The following TTC38 variants were observed in gnomAD, a reference collection of about 807,000 sequenced individuals.
TTC38 encodes tetratricopeptide repeat protein 38.
Under a neutral mutation model 64.2 loss-of-function variants are expected in TTC38, and 64 were observed. The observed-to-expected ratio is 1.00, with a 90% confidence interval of 0.81 to 1.23. TTC38 has a LOEUF of 1.23. TTC38 is among the 50% of genes most tolerant of loss of function. The probability of loss-of-function intolerance (pLI) is 0.00; values close to 1 mark genes in which losing one functional copy is unlikely to be tolerated. For synonymous variants in TTC38, 254 were observed against 249.3 expected, an observed-to-expected ratio of 1.02 and a Z score of -0.18; for missense variants, 573 against 615.5, an observed-to-expected ratio of 0.93 and a Z score of 0.73.
Position 46,283,953 on chromosome 22 carries a change from C to CTTTT in TTC38, c.736-10_736-7dup. On this transcript the variant is annotated intron_variant, in intron 7 of 13. Transcript: ENST00000381031. ...GGCCTTCAGACTTTTCATAAATTCT[C>CTTTT]TTTTTTTTTTTTTCTCCAGGACTCT... The CTTTT allele has an allele frequency of 7.6e-6, 10 of 1,313,168 alleles. No individual in the cohort carries two copies. Among genetic ancestry groups the CTTTT allele is most frequent in the South Asian group, 6.6e-5 (5 of 76,032 alleles). The allele number at this position is 1,313,168 out of a possible 1,614,324, so 81.3% of individuals were successfully genotyped here.
At chr22:46,268,888 C>T (rs972466361) in intron 2 of TTC38, 2 of 358,380 alleles carry the variant, frequency 5.6e-6, no homozygotes, top group Non-Finnish European at 1.1e-5. Context: ...GGGGTTTCAC[C>T]GTGTTAGCCA....
At chr22:46,277,056 C>T (rs1201059113) in intron 5 of TTC38, among the ~76,000 whole-genome samples, 1 of 147,738 alleles carries the variant, frequency 6.8e-6, no homozygotes, top group African/African-American at 2.6e-5. Flanking sequence ...TACACACACA[C>T]ACACACACAC....
Position 46,273,654 on chromosome 22 carries a change from G to A in TTC38, c.194-244G>A, listed in dbSNP as rs1936943595. 6.6e-6 allele frequency among the ~76,000 whole-genome samples: 1 copy of A among 152,228 alleles called. No individual in the cohort carries two copies. Among genetic ancestry groups the A allele is most frequent in the Admixed American group, 6.5e-5 (1 of 15,290 alleles). ...AAGGGGGAAGGTGCTTTAGACACTG[G>A]CACTCAGCAGAATGCCCTCACTAGA... is the stretch of plus-strand genomic sequence containing the variant. On this transcript the variant is annotated intron_variant, in intron 3 of 13. Transcript: ENST00000381031. The surrounding 1 kb of genome is among the most constrained non-coding windows in gnomAD (Gnocchi z 5.1).
rs995574451 is a variant in TTC38 at position 46,268,546 on chromosome 22, C to T, written c.66C>T (p.Thr22=). Residue 22 remains threonine (T), a synonymous_variant, in exon 2 of 14, where the codon ACC becomes ACT. Transcript: ENST00000381031. The part of the protein sequence containing the change: ...AWKDARLPLS[T]TSNEACKLFD... Reference sequence around the variant, plus strand: ...AGGATGCGAGGCTCCCGCTCTCCACCACAAGCAACGAAGCCTGCAAGCTGT... The same window carrying T: ...AGGATGCGAGGCTCCCGCTCTCCACTACAAGCAACGAAGCCTGCAAGCTGT... 4 of 1,614,124 alleles carry T rather than the reference C, an allele frequency of 2.5e-6. No homozygotes were observed. Among genetic ancestry groups the T allele is most frequent in the Non-Finnish European group, 3.4e-6 (4 of 1,180,032 alleles).
intron 10 of TTC38, among the ~76,000 whole-genome samples, chr22:46,287,562 C>G (rs181187918): frequency 1.3e-5 from 2 of 152,240 alleles, no homozygotes; most frequent in African/African-American, 4.8e-5. Flanking sequence ...AGACAGGTTT[C>G]TCAACCTTGT....
chr22:46,278,568 C>CT lies in TTC38; in HGVS notation c.540-11dup, dbSNP rs1473974915. ...CATCCATCATTTTGTATTCTGAGAT[C>CT]TTTTTTTCTGTTTTTAGCTATGTGA... On this transcript the variant is annotated splice_polypyrimidine_tract_variant and intron_variant, in intron 5 of 13. Transcript: ENST00000381031. 48 of 1,607,996 alleles carry CT rather than the reference C, an allele frequency of 3.0e-5. No homozygotes were observed. The highest frequency in any genetic ancestry group is 4.1e-5 in the Non-Finnish European group (48 of 1,174,672).
At position 46,293,046 on chromosome 22, in the gene TTC38, T is replaced by G. The variant is rs141739653; in HGVS notation, c.*162T>G. On this transcript the variant is annotated 3_prime_UTR_variant, in exon 14 of 14. Transcript: ENST00000381031. This position sits in a 1 kb window ranked among gnomAD's most constrained non-coding sequence, Gnocchi z 6.6. Reference sequence around the variant, plus strand: ...CAGGAAGTGGGTCACGGGTTAATTTTAAATGTGATTCCGAATCTCCTTTCA... The same window carrying G: ...CAGGAAGTGGGTCACGGGTTAATTTGAAATGTGATTCCGAATCTCCTTTCA... 8.5e-6 allele frequency: 5 copies of G among 587,148 alleles called. No homozygotes were observed. The East Asian group carries it at 1.4e-4, about 16-fold the overall frequency. The allele number at this position is 587,148 out of a possible 1,614,324, so 36.4% of individuals were successfully genotyped here.
At chr22:46,289,977 C>G in intron 13 of TTC38, 78 bp downstream of exon 13, 1 of 1,326,304 alleles carries the variant, frequency 7.5e-7, no homozygotes, top group Non-Finnish European at 1.1e-6. Context: ...CTGGAAGCCC[C>G]ACCACCCTTG....
chr22:46,270,421 T>G lies in TTC38; in HGVS notation c.111+1830T>G, dbSNP rs1008673568. 1.3e-5 allele frequency among the ~76,000 whole-genome samples: 2 copies of G among 152,136 alleles called. No individual in the cohort carries two copies. The highest frequency in any genetic ancestry group is 2.9e-5 in the Non-Finnish European group (2 of 68,014). On this transcript the variant is annotated intron_variant, in intron 2 of 13. Transcript: ENST00000381031. The surrounding 1 kb of genome is among the most constrained non-coding windows in gnomAD (Gnocchi z 4.7). ...AATACACGTACTAATTCTGTGTAGA[T>G]GTAGGTTAGACAGCTGAAAGGGCAT...
Position 46,292,664 on chromosome 22 carries a change from T to TGCTGTTCCCTC in TTC38, c.1317-126_1317-125insCTGTTCCCTCG, listed in dbSNP as rs2077624497. ...GGCCAGGCCTCCTGCCCCTGGGCCT[T>TGCTGTTCCCTC]GGCCCTTGCTGTTCCCTCAGTGCCG... On this transcript the variant is annotated intron_variant, in intron 13 of 13. Transcript: ENST00000381031. The surrounding 1 kb of genome is among the most constrained non-coding windows in gnomAD (Gnocchi z 6.5). 1.2e-6 allele frequency: 1 copy of TGCTGTTCCCTC among 829,648 alleles called. No individual in the cohort carries two copies. The highest frequency in any genetic ancestry group is 1.7e-5 in the African/African-American group (1 of 59,962). 51.4% of individuals were successfully genotyped at this position (829,648 alleles called of 1,614,324 possible). A position where few individuals can be genotyped will look rare whatever the true frequency, so the allele number is the denominator to read the frequency against.
intron 10 of TTC38, 97 bp from the exon 11 acceptor site, chr22:46,288,326 T>C: frequency 1.5e-6 from 2 of 1,322,062 alleles, no homozygotes; most frequent in South Asian, 2.8e-5. Flanking sequence ...GACAGGGTCA[T>C]CAAGGCCTCC....
In TTC38 at chr22:46,272,451, C is replaced by T. The variant is rs759382379; in HGVS notation, c.193+35C>T. 1.3e-6 allele frequency: 2 copies of T among 1,529,304 alleles called. No homozygotes were observed. Among genetic ancestry groups the T allele is most frequent in the African/African-American group, 1.4e-5 (1 of 73,560 alleles). 94.7% of individuals were successfully genotyped at this position (1,529,304 alleles called of 1,614,324 possible). ...GCCTTCCCTGGGTGGAGGAGCCCCG[C>T]TTCACACATCCAGCCCCTCTCTTTC... is the stretch of plus-strand genomic sequence containing the variant. On this transcript the variant is annotated intron_variant, in intron 3 of 13. Transcript: ENST00000381031. This position sits in a 1 kb window ranked among gnomAD's most constrained non-coding sequence, Gnocchi z 6.4.
In TTC38 at chr22:46,276,808, T is replaced by A. The variant is rs1286598992; in HGVS notation, c.539+1387T>A. ...AAAATATATATTAAAAATTATATAT[T>A]AAAATATATATATTAAATATATATA... On this transcript the variant is annotated intron_variant, in intron 5 of 13. Coordinates refer to ENST00000381031, the MANE Select transcript of TTC38 (RefSeq NM_017931.4). This position sits in a 1 kb window ranked among gnomAD's most constrained non-coding sequence, Gnocchi z 4.7. Among the ~76,000 whole-genome samples, 1 of 137,642 alleles carries A rather than the reference T, an allele frequency of 7.3e-6. No homozygotes were observed. Among genetic ancestry groups the A allele is most frequent in the Non-Finnish European group, 1.5e-5 (1 of 65,872 alleles). 90.3% of individuals were successfully genotyped at this position (137,642 alleles called of 152,430 possible). A position where few individuals can be genotyped will look rare whatever the true frequency, so the allele number is the denominator to read the frequency against.
intron 9 of TTC38, among the ~76,000 whole-genome samples, chr22:46,285,737 G>T (rs142499275): frequency 0.011 from 1,709 of 152,158 alleles, 38 homozygotes; most frequent in African/African-American, 0.039. Context: ...ACAAGGCCGG[G>T]TGTGGTGGCT....
intron 5 of TTC38, among the ~76,000 whole-genome samples, chr22:46,277,873 G>T (rs2077504888): frequency 6.6e-6 from 1 of 152,156 alleles, no homozygotes; most frequent in Admixed American, 6.5e-5. Flanking sequence ...GGTGCCCCTG[G>T]GTCATGCCTC....
intron 13 of TTC38, among the ~76,000 whole-genome samples, 193 bp downstream of exon 13, chr22:46,290,092 C>T (rs1428951957): frequency 6.6e-6 from 1 of 152,206 alleles, no homozygotes; most frequent in East Asian, 1.9e-4. Context: ...CCAGCCCCAC[C>T]CCAGGCCCAA....
At chr22:46,277,155 T>C (rs1242776054) in intron 5 of TTC38, among the ~76,000 whole-genome samples, 1 of 151,460 alleles carries the variant, frequency 6.6e-6, no homozygotes, top group Non-Finnish European at 1.5e-5. Context: ...AAAGCTAGAA[T>C]CAGTCTTCTT....
In TTC38 at chr22:46,290,476, GGC is replaced by G. The variant is rs1473439814; in HGVS notation, c.1316+579_1316+580del. Among the ~76,000 whole-genome samples the G allele has an allele frequency of 1.4e-3, 220 of 151,736 alleles. 15 individuals are homozygous for G. The highest frequency in any genetic ancestry group is 4.4e-3 in the African/African-American group (183 of 41,128). The stretch of plus-strand genomic sequence containing the variant: ...CCAGGCATGGGGCTGGTAGGAGGGT[GGC>G]GTGGCTGGAGGGTGAGTGTTAGGGT... On this transcript the variant is annotated intron_variant, in intron 13 of 13. Transcript: ENST00000381031.
At chr22:46,268,165 G>C (rs1936803968) in intron 1 of TTC38, 93 bp downstream of exon 1, 1 of 1,410,666 alleles carries the variant, frequency 7.1e-7, no homozygotes, top group African/African-American at 1.5e-5. Context: ...CATGGCCCGG[G>C]CGCGGGGCGT....
Sources: gnomAD v4.1 joint callset for allele counts (sites outside exome capture counted in the v4.1 genomes callset) on GRCh38, gnomAD v4.1.1 for gene constraint, Gnocchi (gnomAD v3.1) non-coding constraint, MANE v1.5 for transcripts, NCBI Gene and HGNC (gene_info 2026-07-23, HGNC 2026-07-21) for gene names.